CCNG1: variants seen among roughly 807,000 people sequenced by gnomAD.
CCNG1 encodes cyclin-G1.
In CCNG1, 13 loss-of-function variants were observed where a neutral mutation model predicts 30.0. The observed-to-expected ratio is 0.43, with a 90% confidence interval of 0.28 to 0.69. The LOEUF (loss-of-function observed/expected upper bound fraction) is 0.69, where lower values mean the gene tolerates loss of function less well. Among genes scored for constraint, CCNG1 ranks in the 30% least tolerant of loss-of-function variants. The probability of loss-of-function intolerance (pLI) is 0.16; values close to 1 mark genes in which losing one functional copy is unlikely to be tolerated. For missense variants in CCNG1, 285 were observed against 331.4 expected (o/e 0.86, Z 1.09); for synonymous variants, 110 against 121.5 (o/e 0.91, Z 0.62).
chr5:163,456,854 G>T, the CCNG1 span: 1 of 1,050,808 alleles, frequency 9.5e-7, no homozygotes, highest in Non-Finnish European at 1.3e-6. Context: ...TGACATTTGA[G>T]TTTTAATTTC....
At chr5:163,457,181 G>A in the CCNG1 span, 1 of 1,240,642 alleles carries the variant, frequency 8.1e-7, no homozygotes, top group Non-Finnish European at 1.1e-6. Flanking sequence ...ACCCAGGCTG[G>A]AGTGCAGCGG....
At chr5:163,448,998 T>C (rs1266016944), downstream of CCNG1, 1 of 152,232 alleles carries the variant, frequency 6.6e-6, no homozygotes, top group Non-Finnish European at 1.5e-5. Flanking sequence ...GCATACATAA[T>C]GGTCAAAAAC....
chr5:163,446,012 G>T (rs1483790557), downstream of CCNG1: 1 of 152,014 alleles, frequency 6.6e-6, no homozygotes, highest in Non-Finnish European at 1.5e-5. Context: ...TAGCCTGCTT[G>T]GATCAATTGT....
rs1757974190 is a variant in CCNG1, at chr5:163,444,448, T to A, written c.*778T>A. On this transcript the variant is annotated 3_prime_UTR_variant, in exon 7 of 7. Transcript: ENST00000340828. The stretch of plus-strand genomic sequence containing the variant: ...TATTGTATTAGTAACTCAAAATAAA[T>A]TATCACTTCGAAAACTTGCTTTCCC... 1 of 152,612 alleles carries A rather than the reference T, an allele frequency of 6.6e-6. No homozygotes were observed. The allele number at this position is 152,612 out of a possible 1,614,324, so 9.5% of individuals were successfully genotyped here. A position where few individuals can be genotyped will look rare whatever the true frequency, so the allele number is the denominator to read the frequency against.
the CCNG1 span, among the ~76,000 whole-genome samples, chr5:163,456,679 C>T: frequency 6.6e-6 from 1 of 152,108 alleles, no homozygotes; most frequent in African/African-American, 2.4e-5. Context: ...TTTATTCATG[C>T]ATTACTGATG....
the CCNG1 span, chr5:163,453,854 TTTTGCAA>T: frequency 2.5e-5 from 12 of 480,142 alleles, no homozygotes; most frequent in Non-Finnish European, 4.2e-5. Flanking sequence ...TTAAGATACA[TTTTGCAA>T]TCTGTTAACT....
At chr5:163,454,061 C>T in the CCNG1 span, 3 of 1,441,208 alleles carry the variant, frequency 2.1e-6, no homozygotes, top group African/African-American at 1.4e-5. Context: ...CTAAAAGATA[C>T]AAACATATAT....
chr5:163,452,308 G>A, the CCNG1 span: 1 of 152,080 alleles, frequency 6.6e-6, no homozygotes, highest in East Asian at 1.9e-4. Flanking sequence ...AGAGAACCCA[G>A]GCTCTACGGA....
chr5:163,456,356 TCAAAGG>T, the CCNG1 span, among the ~76,000 whole-genome samples: 1 of 152,070 alleles, frequency 6.6e-6, no homozygotes, highest in Non-Finnish European at 1.5e-5. Context: ...CTAAATCATA[TCAAAGG>T]CAAACAGCCA....
downstream of CCNG1, chr5:163,450,827 T>A (rs1208156295): frequency 6.6e-6 from 1 of 152,172 alleles, no homozygotes; most frequent in Non-Finnish European, 1.5e-5. Flanking sequence ...TGAAAACACA[T>A]ATGCACATAA....
In CCNG1 at chr5:163,442,551, G is replaced by A; in HGVS notation, c.874G>A (p.Glu292Lys). Residue 292 changes from glutamate to lysine, a missense_variant, in exon 6 of 7, where the codon GAA becomes AAA. By Grantham distance (56) the Glu-to-Lys change is moderately conservative (BLOSUM62 1). Coordinates refer to ENST00000340828, the MANE Select transcript of CCNG1 (RefSeq NM_004060.4). Reference sequence around the variant, plus strand: ...AATAACTCACCTTCCAACAATTCCTGAAATGGTCCCTTAACTGGTAAATTT... The same window carrying A: ...AATAACTCACCTTCCAACAATTCCTAAAATGGTCCCTTAACTGGTAAATTT... Reference protein sequence around the residue: ...YRITHLPTIPEMVP With the variant: ...YRITHLPTIPKMVP The A allele has an allele frequency of 6.2e-7, 1 of 1,607,966 alleles. No individual in the cohort carries two copies. The highest frequency in any genetic ancestry group is 8.5e-7 in the Non-Finnish European group (1 of 1,177,360).
chr5:163,453,357 A>C, the CCNG1 span: 10 of 152,138 alleles, frequency 6.6e-5, no homozygotes, highest in Non-Finnish European at 1.5e-4. Context: ...CCATGATCAC[A>C]CTTCTCTTTT....
chr5:163,441,933 G>A lies in CCNG1; in HGVS notation c.566G>A (p.Cys189Tyr). 1 of 1,609,744 alleles carries A rather than the reference G, an allele frequency of 6.2e-7. No individual in the cohort carries two copies. The highest frequency in any genetic ancestry group is 1.1e-5 in the South Asian group (1 of 90,898). Reference protein sequence around the residue: ...FERLEAQLKACHCRIIFSKAK... With the variant: ...FERLEAQLKAYHCRIIFSKAK... The stretch of plus-strand genomic sequence containing the variant: ...AGACTAGAAGCTCAACTGAAGGCAT[G>A]TCATTGCAGGATCATATTTTCTAAA... The change falls in exon 4 of 7, where the codon TGT becomes TAT. Residue 189 changes from cysteine to tyrosine, a missense_variant. Transcript: ENST00000340828.
chr5:163,443,311 CAAA>C (rs35396845), intron 6 of CCNG1, among the ~76,000 whole-genome samples: 9 of 90,186 alleles, frequency 1.0e-4, no homozygotes, highest in Non-Finnish European at 1.2e-4. Flanking sequence ...GACTCCGCCA[CAAA>C]AAAAAAAAAA....
At chr5:163,448,315 CAAAA>C (rs1296990907), downstream of CCNG1, 1 of 151,532 alleles carries the variant, frequency 6.6e-6, no homozygotes. Context: ...GCAAAATTGA[CAAAA>C]AAAGAGAAGG....
At position 163,443,842 on chromosome 5, in the gene CCNG1, A is replaced by C; in HGVS notation, c.*172A>C. The C allele has an allele frequency of 1.6e-6, 1 of 641,748 alleles. No individual in the cohort carries two copies. The highest frequency in any genetic ancestry group is 2.6e-6 in the Non-Finnish European group (1 of 385,912). The allele number at this position is 641,748 out of a possible 1,614,324, so 39.8% of individuals were successfully genotyped here. ...CCTAATATTATGCTGTAGTGGAATT[A>C]TGTTTAGATTTGAATTCATCTGTGA... On this transcript the variant is annotated 3_prime_UTR_variant, in exon 7 of 7. Coordinates refer to ENST00000340828, the MANE Select transcript of CCNG1 (RefSeq NM_004060.4).
In CCNG1 at chr5:163,441,102, G is replaced by C; in HGVS notation, c.289G>C (p.Val97Leu). ...MKVQPKHLGC[V>L]GLSCFYLAVK... ...GGTACAGCCCAAGCACCTTGGGTGT[G>C]TTGGACTGAGCTGCTTTTATTTGGC... The change falls in exon 3 of 7, where the codon GTT (valine) becomes CTT (leucine). Residue 97 changes from valine to leucine, a missense_variant. By Grantham distance (32) the Val-to-Leu change is conservative. Coordinates refer to ENST00000340828, the MANE Select transcript of CCNG1 (RefSeq NM_004060.4). 6.2e-7 allele frequency: 1 copy of C among 1,613,902 alleles called. No homozygotes were observed. The highest frequency in any genetic ancestry group is 8.5e-7 in the Non-Finnish European group (1 of 1,179,828).
chr5:163,454,298 TAA>T, the CCNG1 span, among the ~76,000 whole-genome samples: 1 of 152,178 alleles, frequency 6.6e-6, no homozygotes, highest in Non-Finnish European at 1.5e-5. Context: ...TATACTTCAA[TAA>T]AAGTCTGTAG....
At chr5:163,442,621 A>G in intron 6 of CCNG1, 53 bp downstream of exon 6, 3 of 1,347,878 alleles carry the variant, frequency 2.2e-6, no homozygotes, top group Non-Finnish European at 3.1e-6. Context: ...CCAATGCCAT[A>G]ATTTTCAACT....
Sources: allele counts gnomAD v4.1 joint callset (sites outside exome capture counted in the v4.1 genomes callset), GRCh38; gene constraint gnomAD v4.1.1; transcripts MANE v1.5; gene names NCBI Gene and HGNC (gene_info 2026-07-23, HGNC 2026-07-21).